The following MATCAP2 variants were observed in gnomAD, a reference collection of about 807,000 sequenced individuals.
MATCAP2 encodes the protein putative tyrosine carboxypeptidase MATCAP2.
the MATCAP2 span, among the ~76,000 whole-genome samples, chr7:36,337,011 C>CT: frequency 6.9e-6 from 1 of 145,380 alleles, no homozygotes; most frequent in Non-Finnish European, 1.5e-5. Flanking sequence ...CAGAAGAATC[C>CT]TTGCACAACC....
At chr7:36,327,242 G>A in the MATCAP2 span, among the ~76,000 whole-genome samples, 3 of 152,084 alleles carry the variant, frequency 2.0e-5, no homozygotes, top group Non-Finnish European at 4.4e-5. Context: ...GGGTTCAGGT[G>A]ATTCTCCTGC....
chr7:36,379,200 A>C, the MATCAP2 span, among the ~76,000 whole-genome samples: 1 of 152,238 alleles, frequency 6.6e-6, no homozygotes, highest in Non-Finnish European at 1.5e-5. Context: ...TGGGAGCTGC[A>C]GACCGGAGCT....
At chr7:36,347,440 G>C in the MATCAP2 span, among the ~76,000 whole-genome samples, 2 of 152,164 alleles carry the variant, frequency 1.3e-5, no homozygotes, top group South Asian at 2.1e-4. Context: ...GTATGATAGG[G>C]GGTAGGATAA....
the MATCAP2 span, among the ~76,000 whole-genome samples, chr7:36,379,279 G>A: frequency 2.0e-5 from 3 of 152,232 alleles, no homozygotes; most frequent in East Asian, 5.8e-4. Context: ...TGGGGCTGAT[G>A]AGATCACCTG....
At chr7:36,326,668 T>C in the MATCAP2 span, 1 of 1,190,858 alleles carries the variant, frequency 8.4e-7, no homozygotes, top group Non-Finnish European at 1.2e-6. Context: ...CAAGTAGTCT[T>C]TCTTCTTTTA....
At chr7:36,343,132 G>GA in the MATCAP2 span, among the ~76,000 whole-genome samples, 3 of 151,316 alleles carry the variant, frequency 2.0e-5, no homozygotes, top group African/African-American at 7.3e-5. Flanking sequence ...CATTCTGCAG[G>GA]AAACCAATAA....
the MATCAP2 span, among the ~76,000 whole-genome samples, chr7:36,329,651 G>A: frequency 6.6e-6 from 1 of 152,182 alleles, no homozygotes; most frequent in Non-Finnish European, 1.5e-5. Context: ...CAAAAACGGG[G>A]AGTGACAAAG....
the MATCAP2 span, among the ~76,000 whole-genome samples, chr7:36,381,488 T>C: frequency 6.6e-6 from 1 of 152,036 alleles, no homozygotes; most frequent in African/African-American, 2.4e-5. Context: ...CTGGCCAACA[T>C]GGTGAAACCC....
the MATCAP2 span, among the ~76,000 whole-genome samples, chr7:36,334,439 G>A: frequency 6.7e-6 from 1 of 149,394 alleles, no homozygotes; most frequent in African/African-American, 2.5e-5. Flanking sequence ...GGAGGCTGAG[G>A]TGAAGAGGAT....
the MATCAP2 span, among the ~76,000 whole-genome samples, chr7:36,328,703 C>A: frequency 6.6e-6 from 1 of 151,972 alleles, no homozygotes; most frequent in African/African-American, 2.4e-5. Flanking sequence ...CGAGATCACG[C>A]CACTGCACTC....
the MATCAP2 span, among the ~76,000 whole-genome samples, chr7:36,340,502 C>G: frequency 0.021 from 3,126 of 152,330 alleles, 38 homozygotes; most frequent in Non-Finnish European, 0.032. Flanking sequence ...AGCGTCAACA[C>G]TTAATGGGAG....
At chr7:36,362,019 A>G in the MATCAP2 span, among the ~76,000 whole-genome samples, 1 of 152,200 alleles carries the variant, frequency 6.6e-6, no homozygotes, top group African/African-American at 2.4e-5. Context: ...ATCTAGGAGG[A>G]TACCAGGAAA....
chr7:36,375,083 T>C, the MATCAP2 span, among the ~76,000 whole-genome samples: 1 of 152,244 alleles, frequency 6.6e-6, no homozygotes, highest in African/African-American at 2.4e-5. Context: ...TCAAATCGTA[T>C]TTCTAGTTCT....
At chr7:36,357,177 G>T in the MATCAP2 span, 1 of 1,614,180 alleles carries the variant, frequency 6.2e-7, no homozygotes, top group South Asian at 1.1e-5. Flanking sequence ...TTAGGTGGCA[G>T]TACTATGCCA....
At chr7:36,382,902 T>C in the MATCAP2 span, among the ~76,000 whole-genome samples, 1 of 152,254 alleles carries the variant, frequency 6.6e-6, no homozygotes, top group African/African-American at 2.4e-5. Context: ...GGATTTACTG[T>C]GGTCCTTTAA....
At chr7:36,366,696 G>A in the MATCAP2 span, 3 of 1,534,670 alleles carry the variant, frequency 2.0e-6, no homozygotes, top group Non-Finnish European at 2.6e-6. Flanking sequence ...TCCACAGCAG[G>A]TACTTACTGA....
the MATCAP2 span, chr7:36,357,530 G>C: frequency 6.2e-7 from 1 of 1,614,048 alleles, no homozygotes; most frequent in Non-Finnish European, 8.5e-7. Flanking sequence ...AATGATCAAT[G>C]AATCTTCTGC....
chr7:36,366,784 C>T, the MATCAP2 span: 62 of 1,534,314 alleles, frequency 4.0e-5, no homozygotes, highest in Non-Finnish European at 4.8e-5. Flanking sequence ...CTGCGCGCCC[C>T]GAAGGGGTCG....
chr7:36,367,844 G>T, the MATCAP2 span, among the ~76,000 whole-genome samples: 1 of 152,282 alleles, frequency 6.6e-6, no homozygotes. Flanking sequence ...CGGGTGGATC[G>T]CTTGAGGCCA....
Sources: allele counts gnomAD v4.1 joint callset (sites outside exome capture counted in the v4.1 genomes callset), GRCh38; gene constraint gnomAD v4.1.1; transcripts MANE v1.5; gene names NCBI Gene and HGNC (gene_info 2026-07-23, HGNC 2026-07-21).